Variants in CCDC60 observed in about 807,000 individuals in gnomAD.
CCDC60 encodes the protein coiled-coil domain containing 60, also known as coiled-coil domain-containing protein 60.
Under a neutral mutation model 63.5 loss-of-function variants are expected in CCDC60, and 54 were observed. The ratio of observed to expected loss-of-function variants is 0.85; its 90% CI spans 0.68 to 1.07. The LOEUF is 1.07. Ranked by LOEUF, CCDC60 falls within the 50% of genes least tolerant of loss-of-function variation. CCDC60 has a pLI of 0.00. For synonymous variants in CCDC60, 206 were observed against 238.8 expected (o/e 0.86, Z 1.27); for missense variants, 651 against 684.3 (o/e 0.95, Z 0.54).
At chr12:119,504,112 T>G (rs565802554) in intron 6 of CCDC60, among the ~76,000 whole-genome samples, 1 of 152,318 alleles carries the variant, frequency 6.6e-6, no homozygotes, top group South Asian at 2.1e-4. Context: ...GCATTTTCGA[T>G]GTCACTGAAA....
At chr12:119,523,616 G>A (rs1952592172) in intron 10 of CCDC60, 77 bp from the exon 11 acceptor site, 2 of 1,591,290 alleles carry the variant, frequency 1.3e-6, no homozygotes, top group East Asian at 4.5e-5. Context: ...GGGCTAAGGG[G>A]GGCCAGAGTG....
chr12:119,368,530 T>C (rs1484713687), intron 1 of CCDC60, among the ~76,000 whole-genome samples: 1 of 152,114 alleles, frequency 6.6e-6, no homozygotes, highest in Admixed American at 6.5e-5. Flanking sequence ...GGCGGTACTC[T>C]CGGCCTCACA....
In CCDC60 at chr12:119,441,520, C is replaced by T. The variant is rs541116584; in HGVS notation, c.170+12758C>T. On this transcript the variant is annotated intron_variant, in intron 2 of 13. Transcript: ENST00000327554. Reference sequence around the variant, plus strand: ...TCAGAAGAAGGAACATTACCAAGGCCTCCCAGGCAACCTCCTCATGTCCCC... The same window carrying T: ...TCAGAAGAAGGAACATTACCAAGGCTTCCCAGGCAACCTCCTCATGTCCCC... 4.6e-5 allele frequency among the ~76,000 whole-genome samples: 7 copies of T among 152,316 alleles called. No individual in the cohort carries two copies. In the South Asian group the frequency reaches 1.2e-3, roughly 27 times the overall value.
intron 2 of CCDC60, among the ~76,000 whole-genome samples, chr12:119,435,080 T>C (rs1207630556): frequency 1.3e-5 from 2 of 152,182 alleles, no homozygotes; most frequent in Non-Finnish European, 2.9e-5. Flanking sequence ...GCCACAGGAC[T>C]GGCTAATGGA....
chr12:119,519,399 ATATGTG>A lies in CCDC60; in HGVS notation c.969-720_969-715del, dbSNP rs752765762. On this transcript the variant is annotated intron_variant, in intron 8 of 13. Coordinates refer to ENST00000327554, the MANE Select transcript of CCDC60 (RefSeq NM_178499.5). ...TCAGAATATCCAGAGGTAGTGATAT[ATATGTG>A]TGTGTGTGTGTGTGTGTGTGTGTGT... is the stretch of plus-strand genomic sequence containing the variant. 1.9e-3 allele frequency among the ~76,000 whole-genome samples: 185 copies of A among 99,950 alleles called. 1 individual carries two copies. Among genetic ancestry groups the A allele is most frequent in the African/African-American group, 6.7e-3 (151 of 22,458 alleles). 65.6% of individuals were successfully genotyped at this position (99,950 alleles called of 152,430 possible).
At chr12:119,423,562 T>C (rs1956851144) in intron 1 of CCDC60, among the ~76,000 whole-genome samples, 1 of 152,184 alleles carries the variant, frequency 6.6e-6, no homozygotes, top group South Asian at 2.1e-4. Flanking sequence ...CTTCTCTCAT[T>C]CGGCTTATGG....
intron 13 of CCDC60, among the ~76,000 whole-genome samples, chr12:119,533,804 C>T (rs1017207042): frequency 1.4e-4 from 22 of 152,156 alleles, no homozygotes; most frequent in Non-Finnish European, 1.9e-4. Flanking sequence ...CAGTACCATG[C>T]AGTTTTGGTT....
intron 2 of CCDC60, chr12:119,433,775 G>A (rs547421897): frequency 1.4e-4 from 85 of 602,900 alleles, no homozygotes; most frequent in East Asian, 3.9e-4. Context: ...CAATGGCACC[G>A]TCCCTGGTTT....
chr12:119,428,171 G>A (rs777748604), intron 1 of CCDC60, among the ~76,000 whole-genome samples: 1 of 152,094 alleles, frequency 6.6e-6, no homozygotes, highest in Non-Finnish European at 1.5e-5. Flanking sequence ...CAGGAAGAGA[G>A]GGGAAGTACA....
chr12:119,388,219 G>A (rs180849632), intron 1 of CCDC60: 1 of 152,276 alleles, frequency 6.6e-6, no homozygotes, highest in Admixed American at 6.5e-5. Flanking sequence ...AGCAGTCCTT[G>A]GATCCCCTTG....
Position 119,500,255 on chromosome 12 carries a change from G to A in CCDC60, c.648+87G>A, listed in dbSNP as rs1426476531. 9.8e-6 allele frequency: 9 copies of A among 920,314 alleles called. No individual in the cohort carries two copies. In the East Asian group the frequency reaches 1.8e-4, roughly 18 times the overall value. 57.0% of individuals were successfully genotyped at this position (920,314 alleles called of 1,614,324 possible). ...TTTTTGCCAGTCTTTTCTCTGATGGGAATTTTTTTTTCCTAGTTGGTTCTC... is the reference window on the plus strand; with the variant it reads ...TTTTTGCCAGTCTTTTCTCTGATGGAAATTTTTTTTTCCTAGTTGGTTCTC... On this transcript the variant is annotated intron_variant, in intron 6 of 13. Transcript: ENST00000327554.
At position 119,520,542 on chromosome 12, in the gene CCDC60, CTT is replaced by C. The variant is rs11460611; in HGVS notation, c.1040+366_1040+367del. ...TTTATTTGTTCATTTAGAGAATATT[CTT>C]TTTTTTTTTTTTTTTGAGATGGACT... is the stretch of plus-strand genomic sequence containing the variant. On this transcript the variant is annotated intron_variant, in intron 9 of 13. Transcript: ENST00000327554. 4.1e-3 allele frequency among the ~76,000 whole-genome samples: 517 copies of C among 126,838 alleles called. 2 individuals carry two copies. The highest frequency in any genetic ancestry group is 0.014 in the African/African-American group (464 of 33,432). 83.2% of individuals were successfully genotyped at this position (126,838 alleles called of 152,430 possible). A position where few individuals can be genotyped will look rare whatever the true frequency, so the allele number is the denominator to read the frequency against.
rs150641738 is a variant in CCDC60 at position 119,344,086 on chromosome 12, T to G, written c.90+8820T>G. 2.1e-3 allele frequency among the ~76,000 whole-genome samples: 316 copies of G among 152,246 alleles called. 2 individuals are homozygous for G. The highest frequency in any genetic ancestry group is 7.4e-3 in the African/African-American group (308 of 41,552). On this transcript the variant is annotated intron_variant, in intron 1 of 13. Coordinates refer to ENST00000327554, the MANE Select transcript of CCDC60 (RefSeq NM_178499.5). ...TGTTACTTCTCTCCAGGCTTTACGT[T>G]TCAGCAGAGTTTCTCAAATTTGGCA...
At chr12:119,340,267 G>A (rs1209383830) in intron 1 of CCDC60, among the ~76,000 whole-genome samples, 1 of 152,116 alleles carries the variant, frequency 6.6e-6, no homozygotes, top group African/African-American at 2.4e-5. Context: ...ACTTAATGTG[G>A]GTAATGCTGT....
At chr12:119,494,131 T>C (rs2136392999) in intron 5 of CCDC60, among the ~76,000 whole-genome samples, 1 of 152,368 alleles carries the variant, frequency 6.6e-6, no homozygotes, top group Middle Eastern at 3.4e-3. Context: ...GATTTTATTC[T>C]TATTAGAGAC....
intron 7 of CCDC60, among the ~76,000 whole-genome samples, chr12:119,507,647 A>C (rs1399340548): frequency 2.5e-5 from 3 of 117,926 alleles, no homozygotes; most frequent in Admixed American, 1.0e-4. Context: ...ACAGGGTCTC[A>C]CTCTGTTGCC....
chr12:119,387,130 C>G (rs991554020), intron 1 of CCDC60, among the ~76,000 whole-genome samples: 4 of 150,908 alleles, frequency 2.7e-5, no homozygotes, highest in African/African-American at 9.8e-5. Context: ...CCTCACAAAG[C>G]TTTGTTTACG....
intron 2 of CCDC60, among the ~76,000 whole-genome samples, chr12:119,464,886 T>C (rs1326479283): frequency 6.6e-6 from 1 of 152,228 alleles, no homozygotes. Flanking sequence ...CTGAAATGTG[T>C]GTGTTATGGA....
At chr12:119,354,871 G>A (rs1197640072) in intron 1 of CCDC60, among the ~76,000 whole-genome samples, 5 of 152,142 alleles carry the variant, frequency 3.3e-5, no homozygotes, top group African/African-American at 7.2e-5. Flanking sequence ...GGTTAAAGAG[G>A]CAGAACAATC....
Sources: allele counts gnomAD v4.1 joint callset (sites outside exome capture counted in the v4.1 genomes callset), GRCh38; gene constraint gnomAD v4.1.1; transcripts MANE v1.5; gene names NCBI Gene and HGNC (gene_info 2026-07-23, HGNC 2026-07-21).